The following HDAC9 variants were observed in gnomAD, a reference collection of about 807,000 sequenced individuals.
The protein encoded by HDAC9 is MEF-2 interacting transcription repressor (MITR) protein.
Under a neutral mutation model 139.4 loss-of-function variants are expected in HDAC9, and 41 were observed. That is an observed-to-expected ratio of 0.29 (90% CI 0.23 to 0.38). The LOEUF (loss-of-function observed/expected upper bound fraction) is 0.38, where lower values mean the gene tolerates loss of function less well. HDAC9 is among the 10% of genes least tolerant of loss of function. The pLI is 1.00. For missense variants in HDAC9, 1,147 were observed against 1,297.0 expected, an observed-to-expected ratio of 0.88 and a Z score of 1.78; for synonymous variants, 517 against 476.2, an observed-to-expected ratio of 1.09 and a Z score of -1.12.
intron 1 of HDAC9, among the ~76,000 whole-genome samples, chr7:18,380,577 C>T (rs1247461963): frequency 4.6e-5 from 7 of 152,172 alleles, no homozygotes; most frequent in African/African-American, 1.4e-4. Flanking sequence ...TCTCCTTTGG[C>T]CCTCACGCTG....
At chr7:18,187,777 A>T (rs998530555) in intron 2 of HDAC9, among the ~76,000 whole-genome samples, 1 of 152,192 alleles carries the variant, frequency 6.6e-6, no homozygotes, top group African/African-American at 2.4e-5. Flanking sequence ...ATGGCTTGCC[A>T]TGGCCTACAG....
At chr7:18,980,310 C>T (rs890761916) in intron 25 of HDAC9, among the ~76,000 whole-genome samples, 4 of 152,200 alleles carry the variant, frequency 2.6e-5, no homozygotes, top group East Asian at 1.9e-4. Flanking sequence ...TGAATAGAAA[C>T]GTATATAAAA....
At chr7:18,266,089 C>T (rs1433019003) in intron 2 of HDAC9, among the ~76,000 whole-genome samples, 1 of 152,112 alleles carries the variant, frequency 6.6e-6, no homozygotes, top group African/African-American at 2.4e-5. Context: ...GCATCACTCA[C>T]TGGTCATTTG....
Position 18,997,846 on chromosome 7 carries a change from G to T in HDAC9, c.*1784G>T, listed in dbSNP as rs1230382660. The stretch of plus-strand genomic sequence containing the variant: ...GACTTTTATTACATATACAAAAATG[G>T]CTCAATACTTGGTTTAACTTCTTAG... On this transcript the variant is annotated 3_prime_UTR_variant, in exon 26 of 26. Coordinates refer to ENST00000686413, the MANE Select transcript of HDAC9 (RefSeq NM_178425.4). 5 of 151,966 alleles carry T rather than the reference G, an allele frequency of 3.3e-5. No individual in the cohort carries two copies. Among genetic ancestry groups the T allele is most frequent in the Admixed American group, 2.0e-4 (3 of 15,258 alleles). The allele number at this position is 151,966 out of a possible 1,614,324, so 9.4% of individuals were successfully genotyped here. A position where few individuals can be genotyped will look rare whatever the true frequency, so the allele number is the denominator to read the frequency against.
At chr7:18,500,293 G>A (rs1020890975) in intron 2 of HDAC9, among the ~76,000 whole-genome samples, 2 of 152,096 alleles carry the variant, frequency 1.3e-5, no homozygotes, top group African/African-American at 2.4e-5. Flanking sequence ...ATTTTAAAAT[G>A]TGCCTCATAA....
At chr7:18,489,473 C>T (rs898890439) in intron 1 of HDAC9, among the ~76,000 whole-genome samples, 4 of 152,098 alleles carry the variant, frequency 2.6e-5, no homozygotes, top group South Asian at 2.1e-4. Flanking sequence ...ATCCTTATAA[C>T]AATCCTGAGA....
chr7:18,120,170 C>A (rs1314820049), intron 1 of HDAC9, among the ~76,000 whole-genome samples: 6 of 152,096 alleles, frequency 3.9e-5, no homozygotes, highest in African/African-American at 1.4e-4. Context: ...TGTCTGGAGA[C>A]ATCACAACAG....
intron 22 of HDAC9, among the ~76,000 whole-genome samples, chr7:18,921,861 A>T (rs1301800656): frequency 6.6e-6 from 1 of 152,106 alleles, no homozygotes; most frequent in Non-Finnish European, 1.5e-5. Flanking sequence ...GGATTAAGAA[A>T]ATGTGGCACA....
chr7:18,377,636 G>A (rs892540695), intron 1 of HDAC9, among the ~76,000 whole-genome samples: 3 of 152,188 alleles, frequency 2.0e-5, no homozygotes, highest in Non-Finnish European at 4.4e-5. Context: ...AATATGATTT[G>A]AAATTTAAAT....
At chr7:18,894,120 G>A (rs970609662) in intron 22 of HDAC9, among the ~76,000 whole-genome samples, 1 of 152,128 alleles carries the variant, frequency 6.6e-6, no homozygotes, top group Non-Finnish European at 1.5e-5. Context: ...GATGACTTCA[G>A]GGTTTTGGGT....
chr7:18,194,867 A>G (rs1485130165), intron 2 of HDAC9, among the ~76,000 whole-genome samples: 1 of 152,042 alleles, frequency 6.6e-6, no homozygotes, highest in Non-Finnish European at 1.5e-5. Context: ...TTAATTTTCT[A>G]TTTGAATAGA....
chr7:18,914,960 G>A (rs1428469999), intron 22 of HDAC9, among the ~76,000 whole-genome samples: 1 of 152,026 alleles, frequency 6.6e-6, no homozygotes, highest in Non-Finnish European at 1.5e-5. Flanking sequence ...ACATGATTTT[G>A]GGGACTAAGA....
chr7:18,921,484 T>C (rs1241508905), intron 22 of HDAC9, among the ~76,000 whole-genome samples: 2 of 152,134 alleles, frequency 1.3e-5, no homozygotes, highest in African/African-American at 4.8e-5. Context: ...AAAATGCTCA[T>C]CATCACTGGC....
intron 1 of HDAC9, among the ~76,000 whole-genome samples, chr7:18,413,330 T>A (rs1413592654): frequency 2.6e-5 from 4 of 152,168 alleles, no homozygotes; most frequent in African/African-American, 9.6e-5. Context: ...ATTAAAAGAC[T>A]GTAAAGAGAA....
chr7:18,857,746 A>G (rs1797797614), intron 21 of HDAC9, among the ~76,000 whole-genome samples: 1 of 152,128 alleles, frequency 6.6e-6, no homozygotes, highest in African/African-American at 2.4e-5. Flanking sequence ...TTCACTGTAG[A>G]TGTTCAATGA....
intron 1 of HDAC9, among the ~76,000 whole-genome samples, chr7:18,487,439 A>G (rs1796053897): frequency 6.6e-6 from 1 of 152,052 alleles, no homozygotes; most frequent in Admixed American, 6.6e-5. Flanking sequence ...TTGAACTCCT[A>G]GGTCAGGTGG....
At chr7:18,688,904 C>T (rs1196777604) in intron 12 of HDAC9, among the ~76,000 whole-genome samples, 1 of 151,678 alleles carries the variant, frequency 6.6e-6, no homozygotes, top group Non-Finnish European at 1.5e-5. Context: ...AAACCATTTT[C>T]CACTGAAATA....
intron 1 of HDAC9, among the ~76,000 whole-genome samples, chr7:18,335,429 C>A (rs1781513827): frequency 6.6e-6 from 1 of 151,370 alleles, no homozygotes; most frequent in South Asian, 2.1e-4. Flanking sequence ...TTGCCATGTT[C>A]CAAGGTTTCA....
chr7:18,489,771 A>T (rs981346795), intron 1 of HDAC9, among the ~76,000 whole-genome samples: 4 of 152,084 alleles, frequency 2.6e-5, no homozygotes, highest in African/African-American at 9.7e-5. Context: ...AGTTTTCCTT[A>T]TCTCTAATTA....
Sources: gnomAD v4.1 joint callset for allele counts (sites outside exome capture counted in the v4.1 genomes callset) on GRCh38, gnomAD v4.1.1 for gene constraint, MANE v1.5 for transcripts, NCBI Gene and HGNC (gene_info 2026-07-23, HGNC 2026-07-21) for gene names.